Variants in VWC2L observed in about 807,000 individuals in gnomAD.
The protein encoded by VWC2L is von Willebrand factor C domain-containing protein 2-like.
Under a neutral mutation model 21.6 loss-of-function variants are expected in VWC2L, and 10 were observed. The observed-to-expected ratio is 0.46, with a 90% CI of 0.29 to 0.78. VWC2L has a LOEUF of 0.78. VWC2L is among the 30% of genes least tolerant of loss of function. The pLI is 0.10. For synonymous variants in VWC2L, 96 were observed against 94.3 expected (o/e 1.02, Z -0.10); for missense variants, 209 against 277.1 (o/e 0.75, Z 1.74).
chr2:214,542,337 G>A (rs1322175572), intron 3 of VWC2L, among the ~76,000 whole-genome samples: 1 of 152,184 alleles, frequency 6.6e-6, no homozygotes, highest in Non-Finnish European at 1.5e-5. Flanking sequence ...GATACCAGCT[G>A]TTGTGCCTGT....
At chr2:214,465,771 G>T (rs1559299069) in intron 3 of VWC2L, among the ~76,000 whole-genome samples, 1 of 152,172 alleles carries the variant, frequency 6.6e-6, no homozygotes, top group East Asian at 1.9e-4. Flanking sequence ...GTGGTGGTAG[G>T]TGTAGCCAGA....
At chr2:214,454,764 G>A (rs1043216172) in intron 3 of VWC2L, among the ~76,000 whole-genome samples, 11 of 151,282 alleles carry the variant, frequency 7.3e-5, no homozygotes, top group African/African-American at 1.7e-4. Flanking sequence ...CACCACGCCC[G>A]GCTAATTTTT....
In VWC2L at chr2:214,577,986, T is replaced by C. The variant is rs1559337298; in HGVS notation, c.*2166T>C. 1 of 152,168 alleles carries C rather than the reference T, an allele frequency of 6.6e-6. No homozygotes were observed. Among genetic ancestry groups the C allele is most frequent in the Non-Finnish European group, 1.5e-5 (1 of 68,028 alleles). The allele number at this position is 152,168 out of a possible 1,614,324, so 9.4% of individuals were successfully genotyped here. On this transcript the variant is annotated 3_prime_UTR_variant, in exon 4 of 4. Transcript: ENST00000312504. ...CATATAGACAGTCATGAATCATTCA[T>C]GAGCAATGCTGCATGATTTATGTCT...
chr2:214,516,253 C>G (rs1337205756), intron 3 of VWC2L, among the ~76,000 whole-genome samples: 2 of 151,386 alleles, frequency 1.3e-5, no homozygotes, highest in Middle Eastern at 6.8e-3. Flanking sequence ...CTCGGTGTAT[C>G]GCCCCAGGAG....
chr2:214,441,409 A>C (rs992534401), intron 3 of VWC2L, among the ~76,000 whole-genome samples: 5 of 152,114 alleles, frequency 3.3e-5, no homozygotes, highest in African/African-American at 2.4e-5. Flanking sequence ...AATATATAAA[A>C]AATATATAAT....
At chr2:214,511,919 TACAC>T (rs67983945) in intron 3 of VWC2L, among the ~76,000 whole-genome samples, 83,816 of 145,166 alleles carry the variant, frequency 0.58, 24,877 homozygotes, top group East Asian at 0.66. Flanking sequence ...TATATACATA[TACAC>T]ACACACACAC....
chr2:214,467,579 T>C (rs1459967993), intron 3 of VWC2L, among the ~76,000 whole-genome samples: 8 of 152,194 alleles, frequency 5.3e-5, no homozygotes, highest in Admixed American at 5.2e-4. Context: ...TTTATATATA[T>C]TGATTTTTTT....
chr2:214,429,807 A>T (rs1448083055), intron 2 of VWC2L, among the ~76,000 whole-genome samples: 2 of 151,978 alleles, frequency 1.3e-5, no homozygotes, highest in Non-Finnish European at 2.9e-5. Flanking sequence ...TTACCAAAAA[A>T]ATTTTATTTT....
intron 3 of VWC2L, among the ~76,000 whole-genome samples, chr2:214,539,926 G>A (rs906281811): frequency 2.0e-5 from 3 of 152,158 alleles, no homozygotes; most frequent in South Asian, 2.1e-4. Flanking sequence ...TTGTTTGGGT[G>A]TGTTTTGTAT....
chr2:214,549,104 C>CTCCA (rs1689753338), intron 3 of VWC2L, among the ~76,000 whole-genome samples: 2 of 152,178 alleles, frequency 1.3e-5, no homozygotes, highest in African/African-American at 4.8e-5. Context: ...TGTCTCATCC[C>CTCCA]TCCAGCTCCT....
At chr2:214,546,115 A>G (rs1207461188) in intron 3 of VWC2L, among the ~76,000 whole-genome samples, 1 of 152,138 alleles carries the variant, frequency 6.6e-6, no homozygotes, top group African/African-American at 2.4e-5. Flanking sequence ...TTGTATAAAC[A>G]AGGGATGGGA....
At chr2:214,464,640 C>T (rs1703189880) in intron 3 of VWC2L, among the ~76,000 whole-genome samples, 3 of 152,118 alleles carry the variant, frequency 2.0e-5, no homozygotes, top group Admixed American at 2.0e-4. Context: ...CCACTGCCTG[C>T]TTACTGCCAA....
intron 3 of VWC2L, among the ~76,000 whole-genome samples, chr2:214,548,139 A>G (rs1468130264): frequency 1.3e-5 from 2 of 152,164 alleles, no homozygotes; most frequent in Non-Finnish European, 2.9e-5. Flanking sequence ...TGACTCATGG[A>G]CACTTTCTTC....
chr2:214,496,309 A>T (rs1688812882), intron 3 of VWC2L, among the ~76,000 whole-genome samples: 1 of 132,802 alleles, frequency 7.5e-6, no homozygotes, highest in Non-Finnish European at 1.7e-5. Context: ...ACATGAGTAT[A>T]TTTGAAAAGA....
intron 3 of VWC2L, among the ~76,000 whole-genome samples, chr2:214,521,005 C>T (rs1342687495): frequency 1.3e-5 from 2 of 151,646 alleles, no homozygotes; most frequent in Admixed American, 6.6e-5. Context: ...GGGTGGATCA[C>T]GAGGTCAGGA....
At position 214,545,419 on chromosome 2, in the gene VWC2L, AT is replaced by A. The variant is rs1026281882; in HGVS notation, c.521-30246del. ...GTTGCTTTTTGGATTCATGACACAA[AT>A]TTTTTTAACCAAATATGAGAGTAAC... On this transcript the variant is annotated intron_variant, in intron 3 of 3. Coordinates refer to ENST00000312504, the MANE Select transcript of VWC2L (RefSeq NM_001080500.4). Among the ~76,000 whole-genome samples, 18 of 152,276 alleles carry A rather than the reference AT, an allele frequency of 1.2e-4. 1 individual carries two copies. The highest frequency in any genetic ancestry group is 6.8e-3 in the Middle Eastern group (2 of 292).
intron 3 of VWC2L, among the ~76,000 whole-genome samples, chr2:214,508,888 C>T (rs1483399937): frequency 2.0e-5 from 3 of 152,048 alleles, no homozygotes; most frequent in Admixed American, 6.5e-5. Context: ...TAAAAGAGTT[C>T]GATTCCTCAA....
chr2:214,517,614 G>C (rs1689165474), intron 3 of VWC2L, among the ~76,000 whole-genome samples: 1 of 152,178 alleles, frequency 6.6e-6, no homozygotes, highest in Admixed American at 6.5e-5. Flanking sequence ...CCAGGAGGAA[G>C]AAGCAGTTTA....
At position 214,563,578 on chromosome 2, in the gene VWC2L, A is replaced by AAAAAAG. The variant is rs1229933171; in HGVS notation, c.521-12091_521-12090insAAGAAA. Among the ~76,000 whole-genome samples the AAAAAAG allele has an allele frequency of 6.0e-5, 8 of 133,530 alleles. 4 individuals carry two copies. Among genetic ancestry groups the AAAAAAG allele is most frequent in the African/African-American group, 1.1e-4 (4 of 35,972 alleles). 87.6% of individuals were successfully genotyped at this position (133,530 alleles called of 152,430 possible). A position where few individuals can be genotyped will look rare whatever the true frequency, so the allele number is the denominator to read the frequency against. ...AAAAAAAAAAAAAAAAAAAAAAAAA[A>AAAAAAG]AAATCAAGTGGTTCTAAATGTGAAG... On this transcript the variant is annotated intron_variant, in intron 3 of 3. Transcript: ENST00000312504.
Sources: allele counts gnomAD v4.1 joint callset (sites outside exome capture counted in the v4.1 genomes callset), GRCh38; gene constraint gnomAD v4.1.1; transcripts MANE v1.5; gene names NCBI Gene and HGNC (gene_info 2026-07-23, HGNC 2026-07-21).